Variants in ZNF324B observed in about 807,000 individuals in gnomAD.
ZNF324B encodes the protein zinc finger protein 324B.
ZNF324B carries 7 observed loss-of-function variants against 10.6 expected under a neutral mutation model. That is an observed-to-expected ratio of 0.66 (90% CI 0.38 to 1.24). The LOEUF (loss-of-function observed/expected upper bound fraction) is 1.24. ZNF324B is among the 50% of genes most tolerant of loss of function. ZNF324B has a pLI of 0.02. For missense variants in ZNF324B, 640 were observed against 764.7 expected (o/e 0.84, Z 1.92); for synonymous variants, 316 against 321.0 (o/e 0.98, Z 0.17).
At chr19:58,420,083 A>G in the ZNF324B span, among the ~76,000 whole-genome samples, 1 of 152,032 alleles carries the variant, frequency 6.6e-6, no homozygotes, top group Non-Finnish European at 1.5e-5. Flanking sequence ...GGAGTTTGAA[A>G]CCAGCCTGGC....
chr19:58,456,574 G>T lies in ZNF324B; in HGVS notation c.1630G>T (p.Val544Phe), dbSNP rs755853692. 1.2e-6 allele frequency: 2 copies of T among 1,613,166 alleles called. No individual in the cohort carries two copies. The highest frequency in any genetic ancestry group is 1.7e-6 in the Non-Finnish European group (2 of 1,179,336). The change falls in exon 4 of 4, where the codon GTC becomes TTC. Residue 544 changes from valine (V) to phenylalanine (F), a missense_variant. Val to Phe is a conservative substitution (Grantham distance 50, BLOSUM62 -1). Transcript: ENST00000336614. The surrounding 1 kb of genome is among the most constrained non-coding windows in gnomAD (Gnocchi z 4.7). Reference sequence around the variant, plus strand: ...AAGCCCAGTCCTGAAGCCAGCGAAGGTCTGAGGTCACAGGTCGCAGCCCAA... The same window carrying T: ...AAGCCCAGTCCTGAAGCCAGCGAAGTTCTGAGGTCACAGGTCGCAGCCCAA... ...KPSPVLKPAK[V>F]
the ZNF324B span, among the ~76,000 whole-genome samples, chr19:58,421,637 C>T: frequency 5.9e-5 from 9 of 152,014 alleles, no homozygotes; most frequent in Non-Finnish European, 1.0e-4. Context: ...CCTCGGCCTC[C>T]CAAAGTGCTG....
upstream of ZNF324B, among the ~76,000 whole-genome samples, chr19:58,447,437 T>C (rs1298698806): frequency 6.6e-6 from 1 of 152,252 alleles, no homozygotes; most frequent in Non-Finnish European, 1.5e-5. Flanking sequence ...TTTTATTTCA[T>C]GCCCAATTCA....
At chr19:58,439,955 T>C in the ZNF324B span, 3 of 895,516 alleles carry the variant, frequency 3.4e-6, no homozygotes, top group Non-Finnish European at 5.1e-6. Flanking sequence ...GGACGAAGGC[T>C]GGGTATGGAG....
the ZNF324B span, among the ~76,000 whole-genome samples, chr19:58,427,437 T>TCC: frequency 3.0e-5 from 1 of 33,658 alleles, no homozygotes; most frequent in African/African-American, 1.6e-4. Context: ...CTTCCTTCCT[T>TCC]CCTTCCTTTC....
the ZNF324B span, chr19:58,434,844 G>T: frequency 6.2e-7 from 1 of 1,614,202 alleles, no homozygotes; most frequent in Non-Finnish European, 8.5e-7. Context: ...TGCCCAGGAT[G>T]ACCTTCCCAC....
chr19:58,447,978 G>C (rs2052835330), upstream of ZNF324B, among the ~76,000 whole-genome samples: 1 of 152,206 alleles, frequency 6.6e-6, no homozygotes, highest in Admixed American at 6.5e-5. Context: ...CTTCTGCCAT[G>C]ATTGTGAGGC....
the ZNF324B span, chr19:58,433,349 C>T: frequency 6.2e-7 from 1 of 1,614,042 alleles, no homozygotes; most frequent in Non-Finnish European, 8.5e-7. Context: ...TTATGCTGTG[C>T]AAGGTTACAA....
At chr19:58,426,384 A>T in the ZNF324B span, among the ~76,000 whole-genome samples, 1 of 152,142 alleles carries the variant, frequency 6.6e-6, no homozygotes, top group African/African-American at 2.4e-5. Flanking sequence ...CTTCATATTG[A>T]TGGAGAGTTT....
At chr19:58,425,736 G>A in the ZNF324B span, among the ~76,000 whole-genome samples, 3 of 152,146 alleles carry the variant, frequency 2.0e-5, no homozygotes, top group Non-Finnish European at 2.9e-5. Context: ...CTCCCAAAGT[G>A]CTGGGATTAC....
At chr19:58,432,599 C>T in the ZNF324B span, among the ~76,000 whole-genome samples, 1 of 152,100 alleles carries the variant, frequency 6.6e-6, no homozygotes, top group Non-Finnish European at 1.5e-5. Context: ...AGCTCTGGGC[C>T]CTACGGTAAC....
Position 58,454,242 on chromosome 19 carries a change from C to G in ZNF324B, c.136C>G (p.Arg46Gly). Residue 46 changes from arginine to glycine, a missense_variant, in exon 3 of 4, where the codon CGA becomes GGA. Physicochemically the swap from Arg to Gly is moderately radical, Grantham distance 125. Transcript: ENST00000336614. Reference protein sequence around the residue: ...LVTSLGLSTSRPRVVIQLERG... With the variant: ...LVTSLGLSTSGPRVVIQLERG... Reference sequence around the variant, plus strand: ...CCTCCTCACAGGACTCTCTACCTCCCGACCTCGTGTGGTCATTCAACTTGA... The same window carrying G: ...CCTCCTCACAGGACTCTCTACCTCCGGACCTCGTGTGGTCATTCAACTTGA... The G allele has an allele frequency of 2.5e-6, 4 of 1,613,712 alleles. No homozygotes were observed. The highest frequency in any genetic ancestry group is 3.4e-6 in the Non-Finnish European group (4 of 1,179,658).
chr19:58,449,946 G>A (rs948226699), upstream of ZNF324B, among the ~76,000 whole-genome samples: 7 of 152,128 alleles, frequency 4.6e-5, no homozygotes, highest in Non-Finnish European at 8.8e-5. Flanking sequence ...TGGGAGGGGC[G>A]AGGAACAGAA....
chr19:58,424,093 A>G, the ZNF324B span, among the ~76,000 whole-genome samples: 1 of 151,814 alleles, frequency 6.6e-6, no homozygotes, highest in African/African-American at 2.4e-5. Flanking sequence ...TACAAAAAAA[A>G]AAAAAATTAG....
Position 58,453,752 on chromosome 19 carries a change from C to T in ZNF324B, c.51C>T (p.Leu17=), listed in dbSNP as rs1482814079. 1.9e-6 allele frequency: 3 copies of T among 1,614,180 alleles called. No homozygotes were observed. In the South Asian group the frequency reaches 3.3e-5, roughly 18 times the overall value. The stretch of plus-strand genomic sequence containing the variant: ...ACTTCTCCCAGGAGGAGTGGGGGCT[C>T]CTGGACACAGCGCAGAGGGCCCTGT... The part of the protein sequence containing the change: ...AVYFSQEEWG[L]LDTAQRALYR... The change falls in exon 2 of 4, where the codon CTC becomes CTT. Residue 17 remains leucine, a synonymous_variant. Coordinates refer to ENST00000336614, the MANE Select transcript of ZNF324B (RefSeq NM_207395.3).
At chr19:58,433,545 C>T in the ZNF324B span, 1 of 1,614,126 alleles carries the variant, frequency 6.2e-7, no homozygotes, top group Non-Finnish European at 8.5e-7. Flanking sequence ...TAAAGGCTCT[C>T]CCACATTCAC....
In ZNF324B at chr19:58,455,076, T is replaced by A; in HGVS notation, c.239-107T>A. 1 of 1,490,810 alleles carries A rather than the reference T, an allele frequency of 6.7e-7. No homozygotes were observed. The highest frequency in any genetic ancestry group is 1.1e-5 in the South Asian group (1 of 88,080). The allele number at this position is 1,490,810 out of a possible 1,614,324, so 92.3% of individuals were successfully genotyped here. On this transcript the variant is annotated intron_variant, in intron 3 of 3. Coordinates refer to ENST00000336614, the MANE Select transcript of ZNF324B (RefSeq NM_207395.3). The surrounding 1 kb of genome is among the most constrained non-coding windows in gnomAD (Gnocchi z 7.0). ...GCCAGCCTCACCTCTTCTTTTTCCC[T>A]AAGCTTTTGTCCCGGCTCCTGGGCT...
rs565788758 is a variant in ZNF324B at position 58,457,344 on chromosome 19, G to A, written c.*765G>A. 1 of 152,718 alleles carries A rather than the reference G, an allele frequency of 6.5e-6. No individual in the cohort carries two copies. Among genetic ancestry groups the A allele is most frequent in the African/African-American group, 2.4e-5 (1 of 41,582 alleles). 9.5% of individuals were successfully genotyped at this position (152,718 alleles called of 1,614,324 possible). A position where few individuals can be genotyped will look rare whatever the true frequency, so the allele number is the denominator to read the frequency against. ...ACAAACCTAGGATGATGGCTTTCCA[G>A]TGGCACTCGTTCAGGTTTTCGTCCA... On this transcript the variant is annotated 3_prime_UTR_variant, in exon 4 of 4. Coordinates refer to ENST00000336614, the MANE Select transcript of ZNF324B (RefSeq NM_207395.3).
the ZNF324B span, chr19:58,444,367 G>A: frequency 6.6e-6 from 1 of 152,288 alleles, no homozygotes; most frequent in South Asian, 2.1e-4. Flanking sequence ...GCACATGGTG[G>A]CTCATAACTA....
Sources: allele counts gnomAD v4.1 joint callset (sites outside exome capture counted in the v4.1 genomes callset), GRCh38; gene constraint gnomAD v4.1.1; non-coding constraint Gnocchi (gnomAD v3.1); transcripts MANE v1.5; gene names NCBI Gene and HGNC (gene_info 2026-07-23, HGNC 2026-07-21).